LCP2: variants seen among roughly 807,000 people sequenced by gnomAD.
The protein encoded by LCP2 is 76 kDa tyrosine phosphoprotein.
A neutral mutation model predicts 74.5 loss-of-function variants in LCP2; 29 were observed. The ratio of observed to expected loss-of-function variants is 0.39; its 90% CI spans 0.29 to 0.53. LCP2 has a LOEUF of 0.53. Among genes scored for constraint, LCP2 ranks in the 20% least tolerant of loss-of-function variants. LCP2 has a pLI of 0.72. For synonymous variants in LCP2, 228 were observed against 229.5 expected (o/e 0.99, Z 0.06); for missense variants, 604 against 634.6 (o/e 0.95, Z 0.52).
intron 6 of LCP2, among the ~76,000 whole-genome samples, chr5:170,273,041 T>TAAAAAAAAAA (rs10675735): frequency 1.9e-4 from 28 of 147,638 alleles, no homozygotes; most frequent in African/African-American, 6.8e-4. Flanking sequence ...ATAAACTCCT[T>TAAAAAAAAAA]AAAAAAAAAA....
At chr5:170,291,959 T>C (rs1266327198) in intron 2 of LCP2, among the ~76,000 whole-genome samples, 2 of 152,210 alleles carry the variant, frequency 1.3e-5, no homozygotes, top group East Asian at 1.9e-4. Context: ...AGTCAAATGG[T>C]ATCAGACTAA....
At chr5:170,273,566 T>A (rs971379069) in intron 6 of LCP2, among the ~76,000 whole-genome samples, 1 of 152,226 alleles carries the variant, frequency 6.6e-6, no homozygotes, top group African/African-American at 2.4e-5. Flanking sequence ...TGCCTCTAAC[T>A]AACTTTGTGT....
At chr5:170,283,958 C>T (rs116219055) in intron 3 of LCP2, among the ~76,000 whole-genome samples, 4,365 of 152,268 alleles carry the variant, frequency 0.029, 216 homozygotes, top group African/African-American at 0.1. Context: ...TACCATTGCA[C>T]TGTTGTAATT....
intron 3 of LCP2, among the ~76,000 whole-genome samples, chr5:170,276,874 G>A (rs899424262): frequency 2.0e-5 from 3 of 151,818 alleles, no homozygotes; most frequent in Admixed American, 6.6e-5. Context: ...TCAAGAGATC[G>A]AGACCATCCT....
intron 2 of LCP2, among the ~76,000 whole-genome samples, chr5:170,289,935 G>A (rs1213582007): frequency 4.6e-5 from 7 of 151,886 alleles, no homozygotes; most frequent in East Asian, 3.9e-4. Flanking sequence ...CTGCTGAGAC[G>A]AGGGCGTAAG....
Position 170,248,660 on chromosome 5 carries a change from A to T in LCP2, c.*37T>A. The stretch of plus-strand genomic sequence containing the variant: ...CTGATTGATCTCGTGTTGGCAACAG[A>T]GGCAGGAGGACGGTTCATTTGCTCG... On this transcript the variant is annotated 3_prime_UTR_variant, in exon 21 of 21. Coordinates refer to ENST00000046794, the MANE Select transcript of LCP2 (RefSeq NM_005565.5). 1.2e-6 allele frequency: 2 copies of T among 1,606,258 alleles called. No homozygotes were observed. Among genetic ancestry groups the T allele is most frequent in the Non-Finnish European group, 1.7e-6 (2 of 1,176,622 alleles).
At chr5:170,289,669 CTT>C (rs59968057) in intron 2 of LCP2, among the ~76,000 whole-genome samples, 12,416 of 90,158 alleles carry the variant, frequency 0.14, 535 homozygotes, top group Middle Eastern at 0.22. Context: ...TTCTTTCTTT[CTT>C]TCTCTCTCTC....
intron 17 of LCP2, among the ~76,000 whole-genome samples, chr5:170,255,830 G>A (rs1761539790): frequency 1.3e-5 from 2 of 152,164 alleles, no homozygotes; most frequent in South Asian, 2.1e-4. Flanking sequence ...CAATTCCCAG[G>A]TGATCTATAT....
At chr5:170,269,237 T>G (rs1347211200) in intron 7 of LCP2, among the ~76,000 whole-genome samples, 1 of 152,148 alleles carries the variant, frequency 6.6e-6, no homozygotes, top group Non-Finnish European at 1.5e-5. Flanking sequence ...CACGGAAGTG[T>G]CCCTAGGCCA....
At chr5:170,248,928 ATTGTGGGGGG>A in intron 20 of LCP2, 109 bp from the exon 21 acceptor site, 1 of 1,080,910 alleles carries the variant, frequency 9.3e-7, no homozygotes, top group African/African-American at 1.6e-5. Context: ...AGTGATGAGG[ATTGTGGGGGG>A]AAAAAATGTA....
intron 3 of LCP2, among the ~76,000 whole-genome samples, chr5:170,282,657 A>G (rs973846724): frequency 1.3e-5 from 2 of 152,204 alleles, no homozygotes; most frequent in Admixed American, 6.5e-5. Flanking sequence ...AATAGCCAAC[A>G]CTTATTCAGT....
chr5:170,268,455 TGG>T lies in LCP2; in HGVS notation c.549_550del (p.Gln184AlafsTer67). The T allele has an allele frequency of 5.0e-6, 1 of 200,328 alleles. No homozygotes were observed. The highest frequency in any genetic ancestry group is 7.8e-6 in the Non-Finnish European group (1 of 128,964). 12.4% of individuals were successfully genotyped at this position (200,328 alleles called of 1,614,324 possible). ...TCTCTGGGGGGGCACAGGAGGCTGC[TGG>T]GGGGTTTTCCCAGAGGGGGGCCGGT... On this transcript the variant is annotated frameshift_variant, in exon 8 of 21. Transcript: ENST00000046794. LOFTEE classifies it high-confidence loss of function.
At chr5:170,291,002 GAGAA>G (rs1762284730) in intron 2 of LCP2, among the ~76,000 whole-genome samples, 1 of 71,264 alleles carries the variant, frequency 1.4e-5, no homozygotes, top group Admixed American at 1.3e-4. Flanking sequence ...GAAAGAAAGA[GAGAA>G]AGAAAGAGAG....
At chr5:170,288,319 A>G (rs536860560) in intron 2 of LCP2, among the ~76,000 whole-genome samples, 1 of 152,336 alleles carries the variant, frequency 6.6e-6, no homozygotes, top group African/African-American at 2.4e-5. Context: ...TGTGAGAGCT[A>G]AATCTGTGAA....
At chr5:170,249,613 A>G (rs930751302) in intron 20 of LCP2, among the ~76,000 whole-genome samples, 1 of 152,146 alleles carries the variant, frequency 6.6e-6, no homozygotes, top group African/African-American at 2.4e-5. Flanking sequence ...TGGGATCTGC[A>G]GCATGGCACA....
chr5:170,275,435 G>A (rs573312071), intron 4 of LCP2, 84 bp from the exon 5 acceptor site: 1 of 1,485,268 alleles, frequency 6.7e-7, no homozygotes. Flanking sequence ...CAGCGAGAGG[G>A]AGTCCCCAGT....
intron 1 of LCP2, among the ~76,000 whole-genome samples, chr5:170,296,961 C>T (rs1217042871): frequency 6.6e-6 from 1 of 152,214 alleles, no homozygotes; most frequent in African/African-American, 2.4e-5. Context: ...AGCCCAAATG[C>T]TGTGTCTGGC....
intron 1 of LCP2, among the ~76,000 whole-genome samples, chr5:170,293,660 G>A (rs1404763132): frequency 6.6e-6 from 1 of 152,218 alleles, no homozygotes. Flanking sequence ...TGCTCCTCAG[G>A]AAGGAGAGCT....
At chr5:170,267,282 C>G (rs1761782882) in intron 8 of LCP2, 3 of 602,718 alleles carry the variant, frequency 5.0e-6, no homozygotes, top group Non-Finnish European at 8.8e-6. Context: ...TTTCTGCAGG[C>G]AGCAGAGTGA....
Sources: allele counts gnomAD v4.1 joint callset (sites outside exome capture counted in the v4.1 genomes callset), GRCh38; gene constraint gnomAD v4.1.1; transcripts MANE v1.5; gene names NCBI Gene and HGNC (gene_info 2026-07-23, HGNC 2026-07-21).